Variants in TRIO observed in about 807,000 individuals in gnomAD.
TRIO encodes triple functional domain protein.
Under a neutral mutation model 351.9 loss-of-function variants are expected in TRIO, and 58 were observed. The observed-to-expected ratio is 0.16, with a 90% CI of 0.13 to 0.21. TRIO has a LOEUF of 0.21. TRIO is among the 10% of genes least tolerant of loss of function. TRIO has a pLI of 1.00. For missense variants in TRIO, 3,201 were observed against 4,027.8 expected (o/e 0.79, Z 5.56); for synonymous variants, 1,758 against 1,595.7 (o/e 1.10, Z -2.42).
At chr5:14,442,921 G>A (rs1752178448) in intron 34 of TRIO, among the ~76,000 whole-genome samples, 1 of 152,112 alleles carries the variant, frequency 6.6e-6, no homozygotes, top group South Asian at 2.1e-4. Flanking sequence ...CGCCCCTCAG[G>A]ATATCATAAA....
chr5:14,170,717 C>T (rs1489318971), intron 1 of TRIO, among the ~76,000 whole-genome samples: 2 of 151,976 alleles, frequency 1.3e-5, no homozygotes, highest in Admixed American at 6.6e-5. Flanking sequence ...TGTTGGCCAG[C>T]GTGGTCTGGA....
intron 1 of TRIO, among the ~76,000 whole-genome samples, chr5:14,148,961 G>A (rs1301888317): frequency 6.6e-6 from 1 of 152,180 alleles, no homozygotes; most frequent in Non-Finnish European, 1.5e-5. Context: ...CTGCTGACGC[G>A]CTGTTCAGTG....
At chr5:14,504,695 G>T in intron 55 of TRIO, 102 bp downstream of exon 55, 1 of 1,423,842 alleles carries the variant, frequency 7.0e-7, no homozygotes, top group Non-Finnish European at 9.5e-7. Flanking sequence ...AATTGGGTTT[G>T]TAGAATTTAC....
At chr5:14,464,110 A>G (rs1754051043) in intron 36 of TRIO, among the ~76,000 whole-genome samples, 1 of 152,166 alleles carries the variant, frequency 6.6e-6, no homozygotes, top group South Asian at 2.1e-4. Context: ...CTGAGGTGAG[A>G]GGACCACAGC....
intron 2 of TRIO, among the ~76,000 whole-genome samples, chr5:14,277,821 C>T (rs547829164): frequency 6.6e-6 from 1 of 152,326 alleles, no homozygotes; most frequent in African/African-American, 2.4e-5. Context: ...CTGAACTATA[C>T]TTCATCCTTT....
chr5:14,498,051 A>G, intron 51 of TRIO, 38 bp from the exon 52 acceptor site: 2 of 1,613,704 alleles, frequency 1.2e-6, no homozygotes, highest in East Asian at 2.2e-5. Context: ...AGGAGGAGCC[A>G]GGGCTGATGG....
chr5:14,342,406 G>A (rs1742020532), intron 11 of TRIO, among the ~76,000 whole-genome samples: 1 of 152,218 alleles, frequency 6.6e-6, no homozygotes, highest in Non-Finnish European at 1.5e-5. Flanking sequence ...AAGGTCCACA[G>A]TGCTCATTGT....
chr5:14,489,040 C>G (rs1756273432), intron 48 of TRIO: 1 of 765,158 alleles, frequency 1.3e-6, no homozygotes, highest in Non-Finnish European at 2.4e-6. Context: ...GGCAGATGGC[C>G]TGGCCCGTAA....
chr5:14,157,911 A>G (rs1788212893), intron 1 of TRIO, among the ~76,000 whole-genome samples: 1 of 152,154 alleles, frequency 6.6e-6, no homozygotes, highest in Admixed American at 6.5e-5. Context: ...TCTACATTAA[A>G]TGATGACACG....
chr5:14,400,706 C>T (rs1004899741), intron 30 of TRIO, among the ~76,000 whole-genome samples: 1 of 152,132 alleles, frequency 6.6e-6, no homozygotes, highest in African/African-American at 2.4e-5. Flanking sequence ...TGGTTTCCTT[C>T]CCCTGAATTT....
chr5:14,391,926 C>G (rs978103837), intron 27 of TRIO, among the ~76,000 whole-genome samples: 94 of 152,340 alleles, frequency 6.2e-4, no homozygotes, highest in African/African-American at 2.2e-3. Context: ...AATAGGAAGC[C>G]TTCTCCCAGG....
chr5:14,361,336 A>G (rs764553268), intron 13 of TRIO, among the ~76,000 whole-genome samples: 20 of 152,234 alleles, frequency 1.3e-4, no homozygotes, highest in Non-Finnish European at 2.1e-4. Flanking sequence ...AAGCCACGAA[A>G]TTACAAGTGC....
chr5:14,488,354 C>T (rs1235958370), intron 48 of TRIO, 94 bp downstream of exon 48: 9 of 1,467,738 alleles, frequency 6.1e-6, no homozygotes, highest in African/African-American at 1.4e-5. Flanking sequence ...AACTCGGCTG[C>T]CCAGCGCTCT....
chr5:14,281,611 G>C (rs775505492), intron 3 of TRIO, among the ~76,000 whole-genome samples: 1 of 152,142 alleles, frequency 6.6e-6, no homozygotes, highest in Non-Finnish European at 1.5e-5. Flanking sequence ...TAAGGATACA[G>C]TCATGCCTGG....
chr5:14,433,524 C>T (rs1751346849), intron 34 of TRIO, among the ~76,000 whole-genome samples: 1 of 152,140 alleles, frequency 6.6e-6, no homozygotes, highest in Non-Finnish European at 1.5e-5. Context: ...AGCGGAAACG[C>T]ATGGGGAAGA....
At chr5:14,354,140 G>A (rs1743397950) in intron 11 of TRIO, among the ~76,000 whole-genome samples, 1 of 152,174 alleles carries the variant, frequency 6.6e-6, no homozygotes, top group Admixed American at 6.5e-5. Context: ...CGGTGCTGGG[G>A]GCCTGACCCC....
At chr5:14,150,003 A>C (rs1440566265) in intron 1 of TRIO, among the ~76,000 whole-genome samples, 1 of 152,210 alleles carries the variant, frequency 6.6e-6, no homozygotes, top group Non-Finnish European at 1.5e-5. Flanking sequence ...AGTGAGTGGC[A>C]GCAGATTTGT....
chr5:14,464,878 C>G (rs1247054435), intron 36 of TRIO, among the ~76,000 whole-genome samples: 1 of 152,148 alleles, frequency 6.6e-6, no homozygotes, highest in Non-Finnish European at 1.5e-5. Flanking sequence ...TAGCCCCTCC[C>G]CCAGATTTCC....
intron 52 of TRIO, 128 bp from the exon 53 acceptor site, chr5:14,498,391 G>A (rs908691639): frequency 3.8e-5 from 57 of 1,508,842 alleles, no homozygotes; most frequent in Middle Eastern, 2.3e-4. Context: ...CCCATTTCAC[G>A]CCTGGGTGTA....
Sources: allele counts gnomAD v4.1 joint callset (sites outside exome capture counted in the v4.1 genomes callset), GRCh38; gene constraint gnomAD v4.1.1; transcripts MANE v1.5; gene names NCBI Gene and HGNC (gene_info 2026-07-23, HGNC 2026-07-21).